IL23R: variants seen among roughly 807,000 people sequenced by gnomAD.
The protein encoded by IL23R is interleukin 23 receptor.
In IL23R, 34 loss-of-function variants were observed where a neutral mutation model predicts 56.9. The observed-to-expected ratio is 0.60, with a 90% CI of 0.45 to 0.80. The LOEUF (loss-of-function observed/expected upper bound fraction) is 0.80, where lower values mean the gene tolerates loss of function less well. IL23R is among the 30% of genes least tolerant of loss of function. IL23R has a pLI of 0.00. For synonymous variants in IL23R, 230 were observed against 249.2 expected (o/e 0.92, Z 0.73); for missense variants, 635 against 730.0 (o/e 0.87, Z 1.50).
downstream of IL23R, among the ~76,000 whole-genome samples, chr1:67,262,415 T>C (rs1293581096): frequency 6.6e-6 from 1 of 152,110 alleles, no homozygotes; most frequent in African/African-American, 2.4e-5. Flanking sequence ...ATGTGGTGGA[T>C]AGCAAATCGG....
intron 7 of IL23R, among the ~76,000 whole-genome samples, chr1:67,227,790 G>A (rs1650715508): frequency 6.6e-6 from 1 of 152,084 alleles, no homozygotes; most frequent in African/African-American, 2.4e-5. Context: ...GGTGTTTCTT[G>A]AAATTCTAAT....
intron 1 of IL23R, among the ~76,000 whole-genome samples, chr1:67,147,706 A>T (rs1646692284): frequency 6.6e-6 from 1 of 152,220 alleles, no homozygotes; most frequent in Non-Finnish European, 1.5e-5. Context: ...CTGTCAAAAA[A>T]AAAATAAAAA....
intron 1 of IL23R, among the ~76,000 whole-genome samples, chr1:67,159,395 A>G (rs1018986832): frequency 1.3e-5 from 2 of 152,002 alleles, no homozygotes; most frequent in Non-Finnish European, 2.9e-5. Flanking sequence ...TTCCATCATG[A>G]TTGTAAGTTT....
At chr1:67,215,186 G>A (rs537600061) in intron 6 of IL23R, among the ~76,000 whole-genome samples, 4 of 152,270 alleles carry the variant, frequency 2.6e-5, no homozygotes, top group Non-Finnish European at 4.4e-5. Flanking sequence ...TCTATAACTC[G>A]GTGTCTGAGA....
chr1:67,262,240 T>C (rs1653221144), downstream of IL23R, among the ~76,000 whole-genome samples: 1 of 152,186 alleles, frequency 6.6e-6, no homozygotes, highest in Admixed American at 6.5e-5. Context: ...TTGGGGCTTA[T>C]ATCCTAGGGG....
downstream of IL23R, among the ~76,000 whole-genome samples, chr1:67,261,521 C>T (rs1289109256): frequency 1.3e-5 from 2 of 150,130 alleles, no homozygotes; most frequent in Non-Finnish European, 3.0e-5. Flanking sequence ...ATTTTTTGTA[C>T]TTTGCATATT....
chr1:67,250,546 C>T (rs1239279052), intron 9 of IL23R, among the ~76,000 whole-genome samples: 3 of 152,100 alleles, frequency 2.0e-5, no homozygotes, highest in African/African-American at 7.2e-5. Flanking sequence ...ATTAGTAAAC[C>T]TAATATCTGA....
intron 1 of IL23R, among the ~76,000 whole-genome samples, chr1:67,150,405 A>C (rs941739954): frequency 6.6e-6 from 1 of 151,542 alleles, no homozygotes; most frequent in Non-Finnish European, 1.5e-5. Context: ...ATTTGTCCTA[A>C]TGCTCTCCCT....
intron 6 of IL23R, among the ~76,000 whole-genome samples, chr1:67,211,410 C>T (rs977717859): frequency 6.6e-6 from 1 of 152,146 alleles, no homozygotes; most frequent in East Asian, 1.9e-4. Context: ...CACCTGAGCT[C>T]AGGGATTGAA....
At chr1:67,207,364 C>T (rs1285575661) in intron 6 of IL23R, among the ~76,000 whole-genome samples, 1 of 152,158 alleles carries the variant, frequency 6.6e-6, no homozygotes, top group Non-Finnish European at 1.5e-5. Context: ...CTACCTTCCT[C>T]CACACTCTAG....
intron 1 of IL23R, among the ~76,000 whole-genome samples, chr1:67,147,055 G>T (rs1195220568): frequency 6.6e-6 from 1 of 152,096 alleles, no homozygotes; most frequent in Non-Finnish European, 1.5e-5. Context: ...GTCCTTCTCT[G>T]AGATTTTTTT....
At chr1:67,242,144 C>G (rs574892538) in intron 9 of IL23R, among the ~76,000 whole-genome samples, 13 of 152,166 alleles carry the variant, frequency 8.5e-5, no homozygotes, top group Non-Finnish European at 1.6e-4. Flanking sequence ...AAAGACCTAA[C>G]AAATGATGCC....
intron 4 of IL23R, among the ~76,000 whole-genome samples, chr1:67,189,095 GA>G (rs1271479564): frequency 2.6e-5 from 4 of 151,916 alleles, no homozygotes; most frequent in Non-Finnish European, 5.9e-5. Context: ...GAAAAATCTA[GA>G]AAGAGATGTT....
chr1:67,202,304 C>A (rs1570837992), intron 5 of IL23R, among the ~76,000 whole-genome samples: 2 of 152,346 alleles, frequency 1.3e-5, no homozygotes, highest in African/African-American at 4.8e-5. Context: ...TGGCTTCAAG[C>A]AATTCTCATG....
chr1:67,157,674 G>A (rs142808174), intron 1 of IL23R, among the ~76,000 whole-genome samples: 2 of 152,202 alleles, frequency 1.3e-5, no homozygotes, highest in East Asian at 3.9e-4. Context: ...CTGCTTCCTC[G>A]CTTCTATTAG....
chr1:67,220,278 A>T (rs1241474033), intron 7 of IL23R, among the ~76,000 whole-genome samples: 1 of 152,076 alleles, frequency 6.6e-6, no homozygotes. Flanking sequence ...CTGAGGCAGG[A>T]AAATTGCTTG....
chr1:67,264,636 GTTA>G (rs1401031842), downstream of IL23R, among the ~76,000 whole-genome samples: 2 of 152,194 alleles, frequency 1.3e-5, no homozygotes, highest in Non-Finnish European at 2.9e-5. Flanking sequence ...TTGACAGAAT[GTTA>G]TTATGTGTCT....
intron 7 of IL23R, among the ~76,000 whole-genome samples, chr1:67,236,278 C>G (rs1238770127): frequency 6.6e-6 from 1 of 152,162 alleles, no homozygotes; most frequent in African/African-American, 2.4e-5. Flanking sequence ...GAACAGCATC[C>G]CAAAGATTGT....
intron 1 of IL23R, among the ~76,000 whole-genome samples, chr1:67,149,085 C>T (rs913085008): frequency 2.0e-5 from 3 of 152,166 alleles, no homozygotes; most frequent in Non-Finnish European, 4.4e-5. Context: ...ATACCTCCCA[C>T]CCCAGCCCAC....
Sources: gnomAD v4.1 joint callset for allele counts (sites outside exome capture counted in the v4.1 genomes callset) on GRCh38, gnomAD v4.1.1 for gene constraint, MANE v1.5 for transcripts, NCBI Gene and HGNC (gene_info 2026-07-23, HGNC 2026-07-21) for gene names.